The following RAB7A variants were observed in gnomAD, a reference collection of about 807,000 sequenced individuals.
RAB7A encodes RAB7A, member RAS oncogene family.
A neutral mutation model predicts 24.5 loss-of-function variants in RAB7A; 2 were observed. The ratio of observed to expected loss-of-function variants is 0.08; its 90% confidence interval spans 0.03 to 0.26. RAB7A has a LOEUF of 0.26. RAB7A is among the 10% of genes least tolerant of loss of function. The probability of loss-of-function intolerance (pLI) is 1.00; values close to 1 mark genes in which losing one functional copy is unlikely to be tolerated. For missense variants in RAB7A, 118 were observed against 255.7 expected, an observed-to-expected ratio of 0.46 and a Z score of 3.67; for synonymous variants, 100 against 95.9, an observed-to-expected ratio of 1.04 and a Z score of -0.25.
chr3:128,743,792 CTT>C (rs35973437), intron 1 of RAB7A, among the ~76,000 whole-genome samples: 81 of 141,214 alleles, frequency 5.7e-4, no homozygotes, highest in South Asian at 3.6e-3. Context: ...TTCTCTCTCT[CTT>C]TTTTTTTTTT....
intron 5 of RAB7A, 71 bp downstream of exon 5, chr3:128,807,742 C>T: frequency 6.2e-7 from 1 of 1,605,044 alleles, no homozygotes; most frequent in Non-Finnish European, 8.5e-7. Flanking sequence ...GCCTGGCCTC[C>T]TGCCCTTAAT....
chr3:128,733,203 TATC>T (rs1461512194), intron 1 of RAB7A, among the ~76,000 whole-genome samples: 1 of 151,898 alleles, frequency 6.6e-6, no homozygotes, highest in East Asian at 1.9e-4. Context: ...TTTAAGTCAT[TATC>T]ATCGATGCCC....
At chr3:128,811,543 C>T (rs755193237) in intron 5 of RAB7A, among the ~76,000 whole-genome samples, 7 of 152,156 alleles carry the variant, frequency 4.6e-5, no homozygotes, top group African/African-American at 1.2e-4. Flanking sequence ...ATATGTTGTA[C>T]GATTCCATTT....
At chr3:128,748,866 G>C (rs79532368) in intron 1 of RAB7A, 2,102 of 152,288 alleles carry the variant, frequency 0.014, 45 homozygotes, top group African/African-American at 0.048. Context: ...ACAAAGGTCA[G>C]TCTGACAAAT....
intron 1 of RAB7A, among the ~76,000 whole-genome samples, chr3:128,768,969 CTTTT>C (rs35457218): frequency 7.3e-4 from 53 of 72,614 alleles, no homozygotes; most frequent in African/African-American, 3.0e-3. Flanking sequence ...TCTTTCTTTC[CTTTT>C]TTTTTTTTTT....
At chr3:128,771,555 C>G (rs1407668940) in intron 1 of RAB7A, among the ~76,000 whole-genome samples, 1 of 152,196 alleles carries the variant, frequency 6.6e-6, no homozygotes, top group Admixed American at 6.5e-5. Context: ...TGGCATCTTA[C>G]CATCTTTGTA....
chr3:128,763,366 C>A (rs2070793295), intron 1 of RAB7A, among the ~76,000 whole-genome samples: 1 of 151,462 alleles, frequency 6.6e-6, no homozygotes, highest in African/African-American at 2.4e-5. Flanking sequence ...AGGCACCCGC[C>A]ACCACGCCTG....
At chr3:128,766,856 CTCTT>C (rs1157547431) in intron 1 of RAB7A, among the ~76,000 whole-genome samples, 21 of 152,110 alleles carry the variant, frequency 1.4e-4, no homozygotes, top group Admixed American at 1.4e-3. Context: ...ATATGTTTAA[CTCTT>C]TGAGGAACTG....
At chr3:128,774,182 A>G (rs1440022335) in intron 1 of RAB7A, among the ~76,000 whole-genome samples, 1 of 141,074 alleles carries the variant, frequency 7.1e-6, no homozygotes, top group Non-Finnish European at 1.5e-5. Context: ...TATATGTATT[A>G]ACTAAAAAAA....
chr3:128,745,827 C>T (rs1401484711), intron 1 of RAB7A, among the ~76,000 whole-genome samples: 1 of 152,236 alleles, frequency 6.6e-6, no homozygotes, highest in Non-Finnish European at 1.5e-5. Flanking sequence ...CAGTTGTCCT[C>T]TTGACTTGAA....
At chr3:128,729,233 A>G (rs2070409789) in intron 1 of RAB7A, among the ~76,000 whole-genome samples, 4 of 152,186 alleles carry the variant, frequency 2.6e-5, no homozygotes, top group African/African-American at 7.2e-5. Context: ...TTCTGACCCC[A>G]CTGCCAAGTG....
In RAB7A at chr3:128,813,625, G is replaced by A; in HGVS notation, c.*203G>A. On this transcript the variant is annotated 3_prime_UTR_variant, in exon 6 of 6. Coordinates refer to ENST00000265062, the MANE Select transcript of RAB7A (RefSeq NM_004637.6). ...CACGCACACACACACACACAGATCT[G>A]ACGTAATCAAACTCCAGCCCTTGCC... 1 of 613,198 alleles carries A rather than the reference G, an allele frequency of 1.6e-6. No individual in the cohort carries two copies. The highest frequency in any genetic ancestry group is 3.0e-6 in the Non-Finnish European group (1 of 333,668). 38.0% of individuals were successfully genotyped at this position (613,198 alleles called of 1,614,324 possible). A position where few individuals can be genotyped will look rare whatever the true frequency, so the allele number is the denominator to read the frequency against.
chr3:128,795,590 G>C lies in RAB7A; in HGVS notation c.53+170G>C, dbSNP rs1933549368. Among the ~76,000 whole-genome samples the C allele has an allele frequency of 2.0e-5, 3 of 151,808 alleles. No homozygotes were observed. The South Asian group carries it at 6.2e-4, about 32-fold the overall frequency. ...ATGATCCCTTGTTATATAACCTTTT[G>C]TTCTCTAGTTTTTAGCATGATTTTT... is the stretch of plus-strand genomic sequence containing the variant. On this transcript the variant is annotated intron_variant, in intron 2 of 5. Coordinates refer to ENST00000265062, the MANE Select transcript of RAB7A (RefSeq NM_004637.6).
At chr3:128,746,869 C>T (rs895823189) in intron 1 of RAB7A, among the ~76,000 whole-genome samples, 4 of 151,544 alleles carry the variant, frequency 2.6e-5, no homozygotes, top group South Asian at 2.1e-4. Context: ...GGTGATATCA[C>T]GTGGTAATTG....
intron 1 of RAB7A, among the ~76,000 whole-genome samples, chr3:128,741,820 T>C (rs995267289): frequency 5.3e-5 from 8 of 152,202 alleles, no homozygotes. Flanking sequence ...ACAAACATTT[T>C]TTTTTTCCTT....
rs75621457 is a variant in RAB7A at position 128,783,404 on chromosome 3, C to T, written c.-8-11956C>T. 8.7e-3 allele frequency among the ~76,000 whole-genome samples: 1,325 copies of T among 152,086 alleles called. 22 individuals carry two copies. Among genetic ancestry groups the T allele is most frequent in the African/African-American group, 0.03 (1,249 of 41,426 alleles). On this transcript the variant is annotated intron_variant, in intron 1 of 5. Coordinates refer to ENST00000265062, the MANE Select transcript of RAB7A (RefSeq NM_004637.6). ...GGCTCTCAACACTGCCTAGACCTCA[C>T]CTGCCCCCTCCAGATGAGCAGGCTC...
chr3:128,798,527 C>CT (rs1175231229), intron 3 of RAB7A: 4 of 174,426 alleles, frequency 2.3e-5, no homozygotes, highest in East Asian at 1.6e-4. Context: ...TTGAGCCAAT[C>CT]TTTTTTTTAT....
chr3:128,756,844 CT>C (rs577316612), intron 1 of RAB7A, among the ~76,000 whole-genome samples: 1,486 of 139,438 alleles, frequency 0.011, 44 homozygotes, highest in East Asian at 0.068. Context: ...TATTCGCTAT[CT>C]TTTTTTTTTT....
At chr3:128,787,498 A>G (rs187252983) in intron 1 of RAB7A, among the ~76,000 whole-genome samples, 37 of 152,314 alleles carry the variant, frequency 2.4e-4, no homozygotes, top group Non-Finnish European at 1.3e-4. Context: ...ATGGCATGGT[A>G]GGACCTGGGC....
Sources: allele counts gnomAD v4.1 joint callset (sites outside exome capture counted in the v4.1 genomes callset), GRCh38; gene constraint gnomAD v4.1.1; transcripts MANE v1.5; gene names NCBI Gene and HGNC (gene_info 2026-07-23, HGNC 2026-07-21).